PIEZO2: variants seen among roughly 807,000 people sequenced by gnomAD.
PIEZO2 encodes piezo type mechanosensitive ion channel component 2, also known as piezo-type mechanosensitive ion channel component 2.
PIEZO2 carries 172 observed loss-of-function variants against 337.3 expected under a neutral mutation model. The ratio of observed to expected loss-of-function variants is 0.51; its 90% CI spans 0.45 to 0.58. PIEZO2 has a LOEUF of 0.58. Among genes scored for constraint, PIEZO2 ranks in the 20% least tolerant of loss-of-function variants. PIEZO2 has a pLI of 0.00. For missense variants in PIEZO2, 3,028 were observed against 3,391.3 expected (o/e 0.89, Z 2.66); for synonymous variants, 1,251 against 1,228.5 (o/e 1.02, Z -0.38).
At chr18:10,941,919 G>T (rs1452817970) in intron 3 of PIEZO2, among the ~76,000 whole-genome samples, 5 of 152,146 alleles carry the variant, frequency 3.3e-5, no homozygotes, top group African/African-American at 9.7e-5. Flanking sequence ...GAATCATGGG[G>T]GGTGGGTCTT....
intron 3 of PIEZO2, among the ~76,000 whole-genome samples, chr18:10,926,442 C>T (rs577749418): frequency 1.3e-5 from 2 of 152,250 alleles, no homozygotes; most frequent in South Asian, 4.2e-4. Context: ...AGCAGCTGGA[C>T]GGGCTCAGTT....
At chr18:11,135,809 G>A (rs547774427) in intron 1 of PIEZO2, among the ~76,000 whole-genome samples, 2 of 152,240 alleles carry the variant, frequency 1.3e-5, no homozygotes, top group Non-Finnish European at 2.9e-5. Flanking sequence ...GCCTGCAAAG[G>A]TATTTTAAAA....
chr18:10,785,404 A>C (rs758463455), intron 16 of PIEZO2, among the ~76,000 whole-genome samples: 2 of 152,216 alleles, frequency 1.3e-5, no homozygotes, highest in Non-Finnish European at 2.9e-5. Context: ...CCTTACACCA[A>C]GGACTCAAAG....
intron 33 of PIEZO2, chr18:10,738,619 C>T (rs2037102095): frequency 6.6e-6 from 1 of 152,216 alleles, no homozygotes; most frequent in Non-Finnish European, 1.5e-5. Context: ...TTTGTTAGCT[C>T]AGATGGCGAA....
chr18:10,812,227 A>G (rs16975390), intron 7 of PIEZO2, among the ~76,000 whole-genome samples: 1,660 of 152,358 alleles, frequency 0.011, 35 homozygotes, highest in African/African-American at 0.038. Flanking sequence ...GCAAGCCTGA[A>G]TGATTCCAAG....
intron 2 of PIEZO2, among the ~76,000 whole-genome samples, chr18:11,007,506 A>C (rs2035762946): frequency 6.6e-6 from 1 of 152,198 alleles, no homozygotes; most frequent in South Asian, 2.1e-4. Flanking sequence ...CAGAGATTTA[A>C]GGATGTCAAT....
intron 5 of PIEZO2, among the ~76,000 whole-genome samples, chr18:10,858,188 G>C (rs1443851053): frequency 6.6e-6 from 1 of 151,074 alleles, no homozygotes; most frequent in Non-Finnish European, 1.5e-5. Context: ...GAGTGTGGTG[G>C]CACGTGCCTG....
At position 10,962,123 on chromosome 18, in the gene PIEZO2, A is replaced by G. The variant is rs1598749811; in HGVS notation, c.286+17412T>C. ...ATATTAGCATGACAACAAATTCTTT[A>G]TGTTGTGAGATTCTACTGATCCTCA... On this transcript the variant is annotated intron_variant, in intron 3 of 55. Transcript: ENST00000674853. The surrounding 1 kb of genome is among the most constrained non-coding windows in gnomAD (Gnocchi z 4.1). 6.6e-6 allele frequency among the ~76,000 whole-genome samples: 1 copy of G among 152,176 alleles called. No individual in the cohort carries two copies. The highest frequency in any genetic ancestry group is 1.5e-5 in the Non-Finnish European group (1 of 68,034).
rs1343291822 is a variant in PIEZO2, at chr18:11,143,756, C to G, written c.64+4769G>C. On this transcript the variant is annotated intron_variant, in intron 1 of 55. Coordinates refer to ENST00000674853, the MANE Select transcript of PIEZO2 (RefSeq NM_001378183.1). This position sits in a 1 kb window ranked among gnomAD's most constrained non-coding sequence, Gnocchi z 4.9. ...TCCCACATCCTCAGATCAGCCTTCT[C>G]CTGGCCCATGCTCTTACCTCCTAGT... Among the ~76,000 whole-genome samples the G allele has an allele frequency of 6.6e-6, 1 of 151,952 alleles. No homozygotes were observed. The highest frequency in any genetic ancestry group is 1.5e-5 in the Non-Finnish European group (1 of 68,006).
chr18:10,758,267 A>C, intron 26 of PIEZO2, 133 bp from the exon 27 acceptor site: 1 of 1,087,466 alleles, frequency 9.2e-7, no homozygotes, highest in Middle Eastern at 2.2e-4. Flanking sequence ...TTCATAGTAA[A>C]ATTCATCCTG....
chr18:10,909,287 G>A (rs892748086), intron 4 of PIEZO2, among the ~76,000 whole-genome samples: 2 of 152,152 alleles, frequency 1.3e-5, no homozygotes, highest in South Asian at 4.1e-4. Context: ...TAAGACAACC[G>A]ATCTGGTTTC....
chr18:10,675,789 G>A (rs2033972926), intron 53 of PIEZO2, among the ~76,000 whole-genome samples: 1 of 152,132 alleles, frequency 6.6e-6, no homozygotes, highest in African/African-American at 2.4e-5. Flanking sequence ...TTGGATGATG[G>A]GGGCAGGTTT....
Position 10,783,571 on chromosome 18 carries a change from T to A in PIEZO2, c.2492+1213A>T, listed in dbSNP as rs1598475394. Among the ~76,000 whole-genome samples, 1 of 152,170 alleles carries A rather than the reference T, an allele frequency of 6.6e-6. No individual in the cohort carries two copies. Among genetic ancestry groups the A allele is most frequent in the South Asian group, 2.1e-4 (1 of 4,830 alleles). On this transcript the variant is annotated intron_variant, in intron 17 of 55. Transcript: ENST00000674853. This position sits in a 1 kb window ranked among gnomAD's most constrained non-coding sequence, Gnocchi z 4.3. ...ACTGAAGGTAGCAGGAGTACAGATA[T>A]GGAGATGGTAAACCACTGACCCCAT...
In PIEZO2 at chr18:10,691,194, T is replaced by G. The variant is rs3748423; in HGVS notation, c.7349+31A>C. On this transcript the variant is annotated intron_variant, in intron 48 of 55. Transcript: ENST00000674853. ...CCTTTCCACCGCTATTCTTCCCCCA[T>G]AAGTGACTGTGACGTTGCAGAGCGT... 512,505 of 1,599,306 alleles carry G rather than the reference T, an allele frequency of 0.32. 87,153 individuals carry two copies. The highest frequency in any genetic ancestry group is 0.35 in the Non-Finnish European group (413,641 of 1,170,248).
chr18:10,748,592 C>T lies in PIEZO2; in HGVS notation c.4303G>A (p.Ala1435Thr). The T allele has an allele frequency of 6.5e-7, 1 of 1,530,528 alleles. No homozygotes were observed. The highest frequency in any genetic ancestry group is 8.7e-7 in the Non-Finnish European group (1 of 1,144,218). The allele number at this position is 1,530,528 out of a possible 1,614,324, so 94.8% of individuals were successfully genotyped here. Residue 1435 changes from alanine to threonine, a missense_variant, in exon 30 of 56, where the codon GCA becomes ACA. Around this residue, in one of 5 missense-constraint regions of PIEZO2, gnomAD observed 1,925 missense variants for 2,051.9 expected, o/e 0.94. Coordinates refer to ENST00000674853, the MANE Select transcript of PIEZO2 (RefSeq NM_001378183.1). The surrounding 1 kb of genome is among the most constrained non-coding windows in gnomAD (Gnocchi z 5.1). ...CATATGCTGTCCCAAATGATTCCTG[C>T]TTCCCCACTGGGAAGTGTACAGGGT... Reference protein sequence around the residue: ...NSPCTLPSGEAGIIWDSICFA... With the variant: ...NSPCTLPSGETGIIWDSICFA...
chr18:10,983,945 C>T (rs1327694158), intron 2 of PIEZO2, among the ~76,000 whole-genome samples: 1 of 152,030 alleles, frequency 6.6e-6, no homozygotes, highest in Non-Finnish European at 1.5e-5. Flanking sequence ...AGAGAGAAGG[C>T]ACACAATCCT....
Position 10,783,976 on chromosome 18 carries a change from C to A in PIEZO2, c.2492+808G>T, listed in dbSNP as rs549416393. Among the ~76,000 whole-genome samples, 55 of 152,308 alleles carry A rather than the reference C, an allele frequency of 3.6e-4. No homozygotes were observed. The highest frequency in any genetic ancestry group is 6.5e-4 in the Admixed American group (10 of 15,306). On this transcript the variant is annotated intron_variant, in intron 17 of 55. Transcript: ENST00000674853. This position sits in a 1 kb window ranked among gnomAD's most constrained non-coding sequence, Gnocchi z 4.3. ...TCAAATAATTAAGGAGAATTTTCAT[C>A]CGTGGCCTCTGTGCTCCTCTCAATA...
rs1321257366 is a variant in PIEZO2 at position 10,997,062 on chromosome 18, CT to C, written c.161-17403del. ...CACTCATGGAACAGCCCTCAAAAAG[CT>C]TTGAGACCTGAACTGTGACATAAAG... is the stretch of plus-strand genomic sequence containing the variant. On this transcript the variant is annotated intron_variant, in intron 2 of 55. Transcript: ENST00000674853. Among the ~76,000 whole-genome samples the C allele has an allele frequency of 2.6e-5, 4 of 152,146 alleles. No individual in the cohort carries two copies. In the East Asian group the frequency reaches 7.7e-4, roughly 29 times the overall value.
chr18:10,770,006 T>A, intron 21 of PIEZO2, 142 bp downstream of exon 21: 1 of 849,554 alleles, frequency 1.2e-6, no homozygotes, highest in Non-Finnish European at 1.7e-6. Flanking sequence ...CGGATTTCTG[T>A]AAGTGTAAGT....
Sources: allele counts gnomAD v4.1 joint callset (sites outside exome capture counted in the v4.1 genomes callset), GRCh38; gene constraint gnomAD v4.1.1; regional missense constraint gnomAD v4.1.1; non-coding constraint Gnocchi (gnomAD v3.1); transcripts MANE v1.5; gene names NCBI Gene and HGNC (gene_info 2026-07-23, HGNC 2026-07-21).